RAB19: variants seen among roughly 807,000 people sequenced by gnomAD.
RAB19 encodes RAB19, member RAS oncogene family, also known as ras-related protein Rab-19.
Under a neutral mutation model 17.3 loss-of-function variants are expected in RAB19, and 21 were observed. The observed-to-expected ratio is 1.21, with a 90% CI of 0.86 to 1.74. RAB19 has a LOEUF of 1.74. Among genes scored for constraint, RAB19 ranks in the 40% most tolerant of loss-of-function variants. RAB19 has a pLI of 0.00. For missense variants in RAB19, 277 were observed against 286.8 expected (o/e 0.97, Z 0.25); for synonymous variants, 126 against 110.4 (o/e 1.14, Z -0.88).
Position 140,407,859 on chromosome 7 carries a change from C to G in RAB19, c.201+12C>G. 3 of 1,524,082 alleles carry G rather than the reference C, an allele frequency of 2.0e-6. No homozygotes were observed. The highest frequency in any genetic ancestry group is 1.1e-5 in the South Asian group (1 of 88,868). The allele number at this position is 1,524,082 out of a possible 1,614,324, so 94.4% of individuals were successfully genotyped here. A position where few individuals can be genotyped will look rare whatever the true frequency, so the allele number is the denominator to read the frequency against. On this transcript the variant is annotated intron_variant, in intron 2 of 3. Transcript: ENST00000537763. The stretch of plus-strand genomic sequence containing the variant: ...GCAAAAAAGTGAAGGTCAGAGGGCA[C>G]CGGGACGGGACTGGTTCCACCTTTT...
intron 3 of RAB19, among the ~76,000 whole-genome samples, chr7:140,416,532 T>A (rs1003526820): frequency 6.6e-6 from 1 of 152,192 alleles, no homozygotes; most frequent in Non-Finnish European, 1.5e-5. Context: ...GTTATTTTAT[T>A]GCTGTCTTGG....
At chr7:140,415,904 C>CAA (rs1033265523) in intron 3 of RAB19, among the ~76,000 whole-genome samples, 3 of 139,762 alleles carry the variant, frequency 2.1e-5, no homozygotes, top group African/African-American at 7.9e-5. Context: ...GACTCTGTCT[C>CAA]AAAAAAAAAA....
chr7:140,416,658 T>G (rs1799463390), intron 3 of RAB19, among the ~76,000 whole-genome samples: 1 of 152,194 alleles, frequency 6.6e-6, no homozygotes, highest in Admixed American at 6.6e-5. Flanking sequence ...CTTAGCAAAC[T>G]TCAGATCCTT....
chr7:140,406,632 CTT>C (rs1457815062), intron 1 of RAB19, among the ~76,000 whole-genome samples: 2 of 148,824 alleles, frequency 1.3e-5, no homozygotes, highest in Non-Finnish European at 3.0e-5. Flanking sequence ...CAGCGAGACT[CTT>C]TGTCTCAAAA....
In RAB19 at chr7:140,427,176, A is replaced by C; in HGVS notation, c.*1026A>C. Among the ~76,000 whole-genome samples the C allele has an allele frequency of 9.3e-6, 1 of 107,946 alleles. No individual in the cohort carries two copies. Among genetic ancestry groups the C allele is most frequent in the Non-Finnish European group, 1.8e-5 (1 of 56,830 alleles). The allele number at this position is 107,946 out of a possible 152,430, so 70.8% of individuals were successfully genotyped here. On this transcript the variant is annotated 3_prime_UTR_variant, in exon 4 of 4. Coordinates refer to ENST00000537763, the MANE Select transcript of RAB19 (RefSeq NM_001008749.3). ...TTTTTTTTTTTTGAGACTGAGTCTC[A>C]CTCTGTCACTCAGGCTGGAATGCAG...
rs1799689871 is a variant in RAB19, at chr7:140,427,396, C to T, written c.*1246C>T. Among the ~76,000 whole-genome samples, 1 of 151,236 alleles carries T rather than the reference C, an allele frequency of 6.6e-6. No homozygotes were observed. Among genetic ancestry groups the T allele is most frequent in the Non-Finnish European group, 1.5e-5 (1 of 67,908 alleles). On this transcript the variant is annotated 3_prime_UTR_variant, in exon 4 of 4. Transcript: ENST00000537763. ...CTTGAACTCCTGACCTCATGATCCA[C>T]CCGTCTCGGCCTCCTAAAGTGCTGG...
intron 3 of RAB19, 149 bp downstream of exon 3, chr7:140,412,206 C>T: frequency 2.4e-6 from 2 of 835,056 alleles, no homozygotes; most frequent in Admixed American, 2.1e-5. Context: ...AATCCCAGCA[C>T]TTTGGGAGGC....
In RAB19 at chr7:140,426,860, G is replaced by A. The variant is rs1433735839; in HGVS notation, c.*710G>A. 1.9e-5 allele frequency among the ~76,000 whole-genome samples: 1 copy of A among 51,802 alleles called. No homozygotes were observed. The highest frequency in any genetic ancestry group is 3.5e-5 in the Non-Finnish European group (1 of 28,382). 34.0% of individuals were successfully genotyped at this position (51,802 alleles called of 152,430 possible). A position where few individuals can be genotyped will look rare whatever the true frequency, so the allele number is the denominator to read the frequency against. ...CTTTCTTTTTTTTTTTTTTTTTTTTGAGACAGGGTCATACTCTGTCACCCA... is the reference window on the plus strand; with the variant it reads ...CTTTCTTTTTTTTTTTTTTTTTTTTAAGACAGGGTCATACTCTGTCACCCA... On this transcript the variant is annotated 3_prime_UTR_variant, in exon 4 of 4. Coordinates refer to ENST00000537763, the MANE Select transcript of RAB19 (RefSeq NM_001008749.3).
chr7:140,413,556 T>C (rs1318038307), intron 3 of RAB19, among the ~76,000 whole-genome samples: 1 of 151,824 alleles, frequency 6.6e-6, no homozygotes, highest in African/African-American at 2.4e-5. Flanking sequence ...AACAAAATAG[T>C]GAGATGTGGT....
intron 3 of RAB19, among the ~76,000 whole-genome samples, chr7:140,415,593 C>T (rs900450911): frequency 2.0e-5 from 3 of 152,124 alleles, no homozygotes; most frequent in Admixed American, 1.3e-4. Context: ...GGGCCAATGC[C>T]GCATGGCCAA....
intron 3 of RAB19, among the ~76,000 whole-genome samples, chr7:140,421,229 T>C (rs1799557968): frequency 6.6e-6 from 1 of 152,066 alleles, no homozygotes; most frequent in Non-Finnish European, 1.5e-5. Flanking sequence ...TCCAACTCTG[T>C]CACCCAGGCT....
At chr7:140,412,609 C>G (rs112927230) in intron 3 of RAB19, among the ~76,000 whole-genome samples, 56 of 151,078 alleles carry the variant, frequency 3.7e-4, no homozygotes, top group African/African-American at 1.4e-3. Flanking sequence ...CTGAAGTGAT[C>G]CCCCTGCCTG....
chr7:140,411,742 C>T, intron 2 of RAB19, 132 bp from the exon 3 acceptor site: 5 of 1,555,018 alleles, frequency 3.2e-6, no homozygotes, highest in Non-Finnish European at 3.5e-6. Context: ...CTGGGTCCCA[C>T]CCCAGATCTA....
intron 3 of RAB19, among the ~76,000 whole-genome samples, chr7:140,416,496 T>C (rs1799460209): frequency 6.6e-6 from 1 of 152,218 alleles, no homozygotes; most frequent in South Asian, 2.1e-4. Context: ...AAACAACTCA[T>C]GCAGCTCACC....
intron 2 of RAB19, chr7:140,410,834 G>A (rs1799346043): frequency 6.2e-6 from 5 of 811,530 alleles, no homozygotes; most frequent in Non-Finnish European, 5.3e-6. Context: ...TAAATAGTAT[G>A]AGAATATGAA....
chr7:140,411,111 A>G, intron 2 of RAB19: 1 of 1,367,210 alleles, frequency 7.3e-7, no homozygotes, highest in South Asian at 1.1e-5. Context: ...AAATAGGCCC[A>G]CCTCTCGGCC....
At position 140,426,074 on chromosome 7, in the gene RAB19, T is replaced by A. The variant is rs992707189; in HGVS notation, c.578T>A (p.Leu193Gln). 6.2e-7 allele frequency: 1 copy of A among 1,614,068 alleles called. No individual in the cohort carries two copies. The highest frequency in any genetic ancestry group is 1.3e-5 in the African/African-American group (1 of 74,936). Residue 193 changes from leucine to glutamine, a missense_variant, in exon 4 of 4, where the codon CTG becomes CAG. Coordinates refer to ENST00000537763, the MANE Select transcript of RAB19 (RefSeq NM_001008749.3). ...NSLHLYGESA[L>Q]NGLPLDSSPV... ...CTGCACCTATATGGGGAGAGTGCCC[T>A]GAACGGCCTCCCCCTGGACTCCAGC...
intron 2 of RAB19, among the ~76,000 whole-genome samples, chr7:140,410,281 C>T (rs1180378185): frequency 2.0e-5 from 3 of 148,936 alleles, no homozygotes; most frequent in Non-Finnish European, 3.0e-5. Flanking sequence ...TACAGGCATG[C>T]GCCACCATGC....
At chr7:140,404,751 T>C (rs1400779685) in intron 1 of RAB19, among the ~76,000 whole-genome samples, 2 of 152,210 alleles carry the variant, frequency 1.3e-5, no homozygotes, top group Non-Finnish European at 2.9e-5. Context: ...AGGTTTCAGT[T>C]ACTTTTAGAG....
Sources: allele counts gnomAD v4.1 joint callset (sites outside exome capture counted in the v4.1 genomes callset), GRCh38; gene constraint gnomAD v4.1.1; transcripts MANE v1.5; gene names NCBI Gene and HGNC (gene_info 2026-07-23, HGNC 2026-07-21).